IL2RB: variants seen among roughly 807,000 people sequenced by gnomAD.
The protein encoded by IL2RB is interleukin 2 receptor subunit beta, also known as interleukin-2 receptor subunit beta.
A neutral mutation model predicts 44.2 loss-of-function variants in IL2RB; 17 were observed. That is an observed-to-expected ratio of 0.38 (90% CI 0.26 to 0.58). IL2RB has a LOEUF of 0.58. IL2RB is among the 20% of genes least tolerant of loss of function. The pLI is 0.63. For synonymous variants in IL2RB, 286 were observed against 297.9 expected (o/e 0.96, Z 0.41); for missense variants, 624 against 685.5 (o/e 0.91, Z 1.00).
intron 1 of IL2RB, among the ~76,000 whole-genome samples, chr22:37,160,218 G>C (rs992929495): frequency 2.0e-5 from 3 of 152,170 alleles, no homozygotes; most frequent in African/African-American, 7.2e-5. Context: ...ATGCAGTGAC[G>C]GCAGCTCCCT....
intron 9 of IL2RB, among the ~76,000 whole-genome samples, chr22:37,130,060 T>G (rs1334154976): frequency 6.6e-6 from 1 of 152,212 alleles, no homozygotes. Context: ...CATGCACACA[T>G]GCACACACGT....
intron 1 of IL2RB, among the ~76,000 whole-genome samples, chr22:37,163,679 C>A (rs74750539): frequency 0.026 from 3,946 of 152,324 alleles, 65 homozygotes; most frequent in Non-Finnish European, 0.04. Flanking sequence ...CCCTGAGGCC[C>A]CCCATTCGGG....
chr22:37,155,942 G>A (rs561153574), intron 1 of IL2RB, among the ~76,000 whole-genome samples: 1 of 152,272 alleles, frequency 6.6e-6, no homozygotes, highest in Non-Finnish European at 1.5e-5. Context: ...CTCTTTCACA[G>A]GGGCCATGGG....
At chr22:37,139,282 G>A (rs1483529692) in intron 4 of IL2RB, 60 bp from the exon 5 acceptor site, 10 of 1,197,738 alleles carry the variant, frequency 8.3e-6, no homozygotes, top group Non-Finnish European at 1.1e-5. Context: ...GGAAGGGGGA[G>A]GCCACCGGGA....
chr22:37,129,915 C>A (rs1465477399), intron 9 of IL2RB, among the ~76,000 whole-genome samples: 1 of 152,186 alleles, frequency 6.6e-6, no homozygotes, highest in Non-Finnish European at 1.5e-5. Context: ...GGCCTCTGTG[C>A]CCAGCATGGC....
chr22:37,162,082 G>A (rs1394396205), intron 1 of IL2RB: 1 of 152,270 alleles, frequency 6.6e-6, no homozygotes, highest in East Asian at 1.9e-4. Flanking sequence ...GGCTGACACA[G>A]GTGCCTTAGC....
At chr22:37,157,389 C>T (rs1922717155) in intron 1 of IL2RB, among the ~76,000 whole-genome samples, 1 of 152,162 alleles carries the variant, frequency 6.6e-6, no homozygotes, top group Non-Finnish European at 1.5e-5. Context: ...CACGCCAGCC[C>T]CCCAGGCTCC....
At chr22:37,170,087 AGAATGGATGGAT>A (rs1569056318) in intron 1 of IL2RB, among the ~76,000 whole-genome samples, 4 of 112,426 alleles carry the variant, frequency 3.6e-5, no homozygotes, top group South Asian at 5.4e-4. Context: ...GAAGGAAGGA[AGAATGGATGGAT>A]GGATGGATGG....
chr22:37,151,920 T>C (rs542543946), upstream of IL2RB, among the ~76,000 whole-genome samples: 5 of 152,356 alleles, frequency 3.3e-5, no homozygotes, highest in South Asian at 6.2e-4. Flanking sequence ...AATGGTTCAT[T>C]GGTCAATGCA....
intron 1 of IL2RB, among the ~76,000 whole-genome samples, chr22:37,147,878 T>G (rs1454641624): frequency 3.9e-5 from 6 of 151,998 alleles, no homozygotes; most frequent in Admixed American, 6.5e-5. Flanking sequence ...CCCCAAAGAG[T>G]GCATAGCCCA....
chr22:37,161,673 T>C (rs2145737024), intron 1 of IL2RB: 1 of 149,242 alleles, frequency 6.7e-6, no homozygotes, highest in Non-Finnish European at 1.5e-5. Flanking sequence ...GTGACCAGGC[T>C]CCCCCAATCA....
chr22:37,146,691 G>A (rs148577832), intron 1 of IL2RB, among the ~76,000 whole-genome samples: 3,340 of 152,278 alleles, frequency 0.022, 50 homozygotes, highest in South Asian at 0.057. Flanking sequence ...CAGGGCCGGC[G>A]TTGACCAGGG....
chr22:37,156,608 G>C (rs1922687867), intron 1 of IL2RB, among the ~76,000 whole-genome samples: 1 of 152,214 alleles, frequency 6.6e-6, no homozygotes, highest in South Asian at 2.1e-4. Context: ...GAGAGGGAGG[G>C]CTTGCCTCTG....
chr22:37,138,932 T>C, intron 5 of IL2RB, 185 bp downstream of exon 5: 1 of 573,214 alleles, frequency 1.7e-6, no homozygotes, highest in Admixed American at 3.0e-5. Context: ...GGCTGGATCC[T>C]GAGCGGCCTT....
intron 6 of IL2RB, 25 bp from the exon 7 acceptor site, chr22:37,136,418 C>T (rs776770288): frequency 6.9e-6 from 11 of 1,592,502 alleles, no homozygotes; most frequent in Admixed American, 3.5e-5. Context: ...GGACTGTCAG[C>T]GCCCACCTCA....
intron 2 of IL2RB, among the ~76,000 whole-genome samples, 189 bp downstream of exon 2, chr22:37,143,884 CGTGTGTGTGTGT>C (rs55819516): frequency 2.9e-5 from 4 of 139,818 alleles, no homozygotes; most frequent in Admixed American, 2.8e-4. Context: ...CTTGGAGAGG[CGTGTGTGTGTGT>C]GTGTGTGTGT....
At chr22:37,147,879 G>C (rs1031885342) in intron 1 of IL2RB, among the ~76,000 whole-genome samples, 1 of 152,244 alleles carries the variant, frequency 6.6e-6, no homozygotes. Flanking sequence ...CCCAAAGAGT[G>C]CATAGCCCAA....
At chr22:37,158,600 C>T (rs540096605) in intron 1 of IL2RB, among the ~76,000 whole-genome samples, 1 of 152,258 alleles carries the variant, frequency 6.6e-6, no homozygotes, top group South Asian at 2.1e-4. Flanking sequence ...TGATATGGAG[C>T]AATCTCCAGG....
chr22:37,128,496 C>A lies in IL2RB; in HGVS notation c.1256G>T (p.Cys419Phe), dbSNP rs748540516. 10 of 1,607,110 alleles carry A rather than the reference C, an allele frequency of 6.2e-6. No homozygotes were observed. In the South Asian group the frequency reaches 9.9e-5, roughly 16 times the overall value. ...QPLSGEDDAY[C>F]TFPSRDDLLL... ...CAGGTCATCCCTGGAGGGGAAGGTG[C>A]AGTAGGCGTCGTCCTCCCCTGACAG... The change falls in exon 10 of 10, where the codon TGC becomes TTC. Residue 419 changes from cysteine (C) to phenylalanine (F), a missense_variant. Cys to Phe is a radical substitution (Grantham distance 205). Transcript: ENST00000216223. The surrounding 1 kb of genome is among the most constrained non-coding windows in gnomAD (Gnocchi z 4.5).
Sources: gnomAD v4.1 joint callset for allele counts (sites outside exome capture counted in the v4.1 genomes callset) on GRCh38, gnomAD v4.1.1 for gene constraint, Gnocchi (gnomAD v3.1) non-coding constraint, MANE v1.5 for transcripts, NCBI Gene and HGNC (gene_info 2026-07-23, HGNC 2026-07-21) for gene names.